SPIC: variants seen among roughly 807,000 people sequenced by gnomAD.
SPIC encodes transcription factor Spi-C.
In SPIC, 9 loss-of-function variants were observed where a neutral mutation model predicts 16.7. The observed-to-expected ratio is 0.54, with a 90% CI of 0.33 to 0.94. SPIC has a LOEUF of 0.94. Ranked by LOEUF, SPIC falls within the 40% of genes least tolerant of loss-of-function variation. The probability of loss-of-function intolerance (pLI) is 0.03; values close to 1 mark genes in which losing one functional copy is unlikely to be tolerated. For synonymous variants in SPIC, 97 were observed against 102.9 expected (o/e 0.94, Z 0.35); for missense variants, 241 against 285.8 (o/e 0.84, Z 1.13).
At chr12:101,479,322 A>T (rs1306294573) in intron 3 of SPIC, among the ~76,000 whole-genome samples, 1 of 148,998 alleles carries the variant, frequency 6.7e-6, no homozygotes, top group Admixed American at 6.7e-5. Flanking sequence ...AAAGAAAGAA[A>T]GAAAGAAAGA....
intron 4 of SPIC, among the ~76,000 whole-genome samples, chr12:101,480,211 T>C (rs1257311137): frequency 6.6e-6 from 1 of 152,202 alleles, no homozygotes; most frequent in African/African-American, 2.4e-5. Context: ...CCTTCATCAT[T>C]GCTCTCTACT....
chr12:101,479,863 C>T (rs1873134158), intron 4 of SPIC, among the ~76,000 whole-genome samples, 169 bp downstream of exon 4: 1 of 144,548 alleles, frequency 6.9e-6, no homozygotes, highest in Non-Finnish European at 1.5e-5. Flanking sequence ...GTCACCCAGG[C>T]TGGGGTTCAG....
At chr12:101,483,233 T>A (rs1275497921) in intron 5 of SPIC, among the ~76,000 whole-genome samples, 1 of 151,850 alleles carries the variant, frequency 6.6e-6, no homozygotes, top group Non-Finnish European at 1.5e-5. Flanking sequence ...TTTATTTTTA[T>A]TTTTTACTTT....
At chr12:101,478,033 CTT>C (rs71091502) in intron 3 of SPIC, among the ~76,000 whole-genome samples, 11 of 137,684 alleles carry the variant, frequency 8.0e-5, no homozygotes, top group Admixed American at 1.5e-4. Context: ...TTTCTTTTTT[CTT>C]TTTTTTTTTT....
chr12:101,481,161 CCTTT>C (rs1443283640), intron 4 of SPIC, among the ~76,000 whole-genome samples: 1 of 151,282 alleles, frequency 6.6e-6, no homozygotes, highest in Non-Finnish European at 1.5e-5. Flanking sequence ...CTTCCTGTCC[CCTTT>C]CTTTATTCTG....
chr12:101,481,309 C>A (rs1381727862), intron 4 of SPIC, among the ~76,000 whole-genome samples: 1 of 152,080 alleles, frequency 6.6e-6, no homozygotes, highest in Non-Finnish European at 1.5e-5. Context: ...GCCTCAGCTT[C>A]CCAAGTAGCT....
At chr12:101,481,063 G>A (rs1345260618) in intron 4 of SPIC, among the ~76,000 whole-genome samples, 1 of 152,194 alleles carries the variant, frequency 6.6e-6, no homozygotes, top group African/African-American at 2.4e-5. Flanking sequence ...TGGAAAGACA[G>A]CTCAAGCCCA....
At chr12:101,478,849 C>G (rs1873045160) in intron 3 of SPIC, among the ~76,000 whole-genome samples, 1 of 151,932 alleles carries the variant, frequency 6.6e-6, no homozygotes, top group South Asian at 2.1e-4. Context: ...TAAGAGAAAT[C>G]ATGTGGGCAG....
chr12:101,476,639 C>T (rs1872964182), intron 1 of SPIC, among the ~76,000 whole-genome samples, 189 bp from the exon 2 acceptor site: 1 of 151,798 alleles, frequency 6.6e-6, no homozygotes, highest in Admixed American at 6.6e-5. Flanking sequence ...ATTTTGTAAT[C>T]ATGGAAAAGC....
chr12:101,478,902 C>T (rs1200400436), intron 3 of SPIC, among the ~76,000 whole-genome samples: 3 of 144,386 alleles, frequency 2.1e-5, no homozygotes, highest in Admixed American at 2.0e-4. Flanking sequence ...TTTGGGAAGC[C>T]AAGGTGGGTG....
chr12:101,479,277 A>AGAAG lies in SPIC; in HGVS notation c.98-302_98-301insGGAA, dbSNP rs1565831263. 1.6e-4 allele frequency among the ~76,000 whole-genome samples: 11 copies of AGAAG among 68,014 alleles called. 1 individual carries two copies. The highest frequency in any genetic ancestry group is 6.9e-4 in the African/African-American group (8 of 11,628). The allele number at this position is 68,014 out of a possible 152,430, so 44.6% of individuals were successfully genotyped here. A position where few individuals can be genotyped will look rare whatever the true frequency, so the allele number is the denominator to read the frequency against. On this transcript the variant is annotated intron_variant, in intron 3 of 5. Coordinates refer to ENST00000551346, the MANE Select transcript of SPIC (RefSeq NM_152323.3). ...AAGAAGGAAGGAAAGAAAGAAAGAA[A>AGAAG]GAAAGAAAAAGAAAGAAAGAAAGAA...
At chr12:101,482,711 TC>T in intron 4 of SPIC, 80 bp from the exon 5 acceptor site, 4 of 1,334,166 alleles carry the variant, frequency 3.0e-6, no homozygotes, top group Non-Finnish European at 4.1e-6. Context: ...AGCCTCTTTT[TC>T]CCCTAACTTT....
At chr12:101,483,275 A>T (rs568451405) in intron 5 of SPIC, among the ~76,000 whole-genome samples, 4 of 152,000 alleles carry the variant, frequency 2.6e-5, no homozygotes, top group Non-Finnish European at 5.9e-5. Flanking sequence ...CAGAGACACA[A>T]ACACACACAT....
rs61748064 is a variant in SPIC at position 101,486,350 on chromosome 12, A to G, written c.326A>G (p.Lys109Arg). 0.038 allele frequency: 61,596 copies of G among 1,600,904 alleles called. 1,385 individuals are homozygous for G. The highest frequency in any genetic ancestry group is 0.058 in the African/African-American group (4,272 of 74,178). ...TTGTTTCCCTTCATTTTAGGCAGGA[A>G]GAAGCTCCGACTGTTTGAATACCTT... ...LLQQKGGKGRKKLRLFEYLHE... is the reference protein window; with the variant it reads ...LLQQKGGKGRRKLRLFEYLHE... Residue 109 changes from lysine to arginine, a missense_variant, in exon 6 of 6, where the codon AAG becomes AGG. Lys to Arg is a conservative substitution (Grantham distance 26). Coordinates refer to ENST00000551346, the MANE Select transcript of SPIC (RefSeq NM_152323.3).
intron 1 of SPIC, among the ~76,000 whole-genome samples, chr12:101,476,487 A>G (rs1872960836): frequency 6.6e-6 from 1 of 152,158 alleles, no homozygotes; most frequent in Non-Finnish European, 1.5e-5. Context: ...ATGCTAAGGT[A>G]AAAAGGATTT....
Position 101,486,322 on chromosome 12 carries a change from A to T in SPIC, c.320-22A>T, listed in dbSNP as rs758181269. 4.2e-5 allele frequency: 66 copies of T among 1,585,724 alleles called. No homozygotes were observed. In the South Asian group the frequency reaches 5.9e-4, roughly 14 times the overall value. ...CGGTTTACAGCCACGGTGGAGTTTG[A>T]CCTTGTTTCCCTTCATTTTAGGCAG... On this transcript the variant is annotated intron_variant, in intron 5 of 5. Transcript: ENST00000551346.
chr12:101,486,215 G>T, intron 5 of SPIC, 129 bp from the exon 6 acceptor site: 1 of 819,600 alleles, frequency 1.2e-6, no homozygotes, highest in Non-Finnish European at 1.9e-6. Flanking sequence ...GCATTCGTAA[G>T]GGCAGTGAGT....
intron 2 of SPIC, among the ~76,000 whole-genome samples, chr12:101,477,224 G>A (rs915237543): frequency 6.6e-6 from 1 of 151,998 alleles, no homozygotes; most frequent in African/African-American, 2.4e-5. Context: ...CTGTACTATA[G>A]AATGAATACC....
Position 101,486,340 on chromosome 12 carries a change from T to G in SPIC, c.320-4T>G. On this transcript the variant is annotated splice_region_variant and splice_polypyrimidine_tract_variant and intron_variant, in intron 5 of 5. Coordinates refer to ENST00000551346, the MANE Select transcript of SPIC (RefSeq NM_152323.3). ...GAGTTTGACCTTGTTTCCCTTCATTTTAGGCAGGAAGAAGCTCCGACTGTT... is the reference window on the plus strand; with the variant it reads ...GAGTTTGACCTTGTTTCCCTTCATTGTAGGCAGGAAGAAGCTCCGACTGTT... The G allele has an allele frequency of 6.3e-7, 1 of 1,597,538 alleles. No homozygotes were observed. Among genetic ancestry groups the G allele is most frequent in the Non-Finnish European group, 8.5e-7 (1 of 1,172,146 alleles).
Sources: allele counts gnomAD v4.1 joint callset (sites outside exome capture counted in the v4.1 genomes callset), GRCh38; gene constraint gnomAD v4.1.1; transcripts MANE v1.5; gene names NCBI Gene and HGNC (gene_info 2026-07-23, HGNC 2026-07-21).